The following NPR3 variants were observed in gnomAD, a reference collection of about 807,000 sequenced individuals.
NPR3 encodes the protein natriuretic peptide receptor 3, also known as atrial natriuretic peptide receptor 3.
NPR3 carries 34 observed loss-of-function variants against 54.5 expected under a neutral mutation model. That is an observed-to-expected ratio of 0.62 (90% confidence interval 0.47 to 0.83). The LOEUF is 0.83. NPR3 is among the 40% of genes least tolerant of loss of function. The probability of loss-of-function intolerance (pLI) is 0.00; values close to 1 mark genes in which losing one functional copy is unlikely to be tolerated. For synonymous variants in NPR3, 289 were observed against 297.1 expected, an observed-to-expected ratio of 0.97 and a Z score of 0.28; for missense variants, 674 against 720.8, an observed-to-expected ratio of 0.94 and a Z score of 0.74.
At chr5:32,782,868 C>T (rs1490216987) in intron 5 of NPR3, 25 bp from the exon 6 acceptor site, 20 of 1,579,724 alleles carry the variant, frequency 1.3e-5, no homozygotes, top group Non-Finnish European at 1.7e-5. Context: ...TTTGGTTTGT[C>T]TATTTGTTTT....
intron 1 of NPR3, among the ~76,000 whole-genome samples, chr5:32,702,408 C>T (rs192258366): frequency 6.6e-5 from 7 of 105,358 alleles, no homozygotes; most frequent in South Asian, 4.4e-4. Context: ...ATCCCTCCCC[C>T]CTCCCCCCAC....
At position 32,774,714 on chromosome 5, in the gene NPR3, A is replaced by G. The variant is rs1156397244; in HGVS notation, c.1066A>G (p.Met356Val). ...QGLNMEDYVN[M>V]FVEGFHDAIL... ...TCTGGGGTTTTCTTTTCAGGTTAAC[A>G]TGTTTGTTGAAGGATTCCACGATGC... Residue 356 changes from methionine to valine, a missense_variant, in exon 4 of 8, where the codon ATG (methionine) becomes GTG (valine). Physicochemically the swap from Met to Val is conservative, Grantham distance 21 (BLOSUM62 1). Coordinates refer to ENST00000265074, the MANE Select transcript of NPR3 (RefSeq NM_001204375.2). 1 of 1,611,988 alleles carries G rather than the reference A, an allele frequency of 6.2e-7. No homozygotes were observed. Among genetic ancestry groups the G allele is most frequent in the Non-Finnish European group, 8.5e-7 (1 of 1,178,130 alleles).
chr5:32,786,855 G>T lies in NPR3; in HGVS notation c.*510G>T, dbSNP rs1742665903. ...GCTGGAGGACAGGTTTGTGGTTGAG[G>T]ACTTCTCTGTCCGATGTCTACATTC... On this transcript the variant is annotated 3_prime_UTR_variant, in exon 8 of 8. Transcript: ENST00000265074. 6.4e-6 allele frequency: 1 copy of T among 156,158 alleles called. No individual in the cohort carries two copies. Among genetic ancestry groups the T allele is most frequent in the Admixed American group, 6.5e-5 (1 of 15,290 alleles). 9.7% of individuals were successfully genotyped at this position (156,158 alleles called of 1,614,324 possible). A position where few individuals can be genotyped will look rare whatever the true frequency, so the allele number is the denominator to read the frequency against.
intron 6 of NPR3, 54 bp from the exon 7 acceptor site, chr5:32,784,742 C>A: frequency 7.3e-7 from 1 of 1,366,702 alleles, no homozygotes; most frequent in Non-Finnish European, 1.0e-6. Context: ...AAACTCGAGG[C>A]ATTTCTAACT....
intron 2 of NPR3, among the ~76,000 whole-genome samples, chr5:32,730,636 A>C (rs1434403582): frequency 6.6e-6 from 1 of 152,230 alleles, no homozygotes; most frequent in Non-Finnish European, 1.5e-5. Flanking sequence ...CCCACCATAC[A>C]GGTTCAACAT....
chr5:32,744,388 C>G (rs768763112), intron 3 of NPR3, among the ~76,000 whole-genome samples: 1 of 152,098 alleles, frequency 6.6e-6, no homozygotes, highest in Non-Finnish European at 1.5e-5. Flanking sequence ...CTGGCTGCCT[C>G]TTACAATTCT....
chr5:32,760,698 GT>G (rs992811510), intron 3 of NPR3, among the ~76,000 whole-genome samples: 16 of 150,460 alleles, frequency 1.1e-4, no homozygotes, highest in African/African-American at 3.9e-4. Flanking sequence ...GATGTAGTCA[GT>G]TTTTTTAATG....
At chr5:32,723,803 A>G (rs1364765858) in intron 1 of NPR3, among the ~76,000 whole-genome samples, 3 of 152,096 alleles carry the variant, frequency 2.0e-5, no homozygotes, top group Non-Finnish European at 4.4e-5. Context: ...ATTTTGCCAC[A>G]TTTGATTTAT....
At chr5:32,782,457 G>A (rs1742386520) in intron 5 of NPR3, among the ~76,000 whole-genome samples, 1 of 152,148 alleles carries the variant, frequency 6.6e-6, no homozygotes, top group African/African-American at 2.4e-5. Context: ...CAAAGCAAAA[G>A]CCGGGAATTC....
At chr5:32,777,961 G>A (rs1742148769) in intron 4 of NPR3, among the ~76,000 whole-genome samples, 1 of 152,138 alleles carries the variant, frequency 6.6e-6, no homozygotes, top group South Asian at 2.1e-4. Context: ...CCCATTCTTA[G>A]CTATTACTCA....
intron 1 of NPR3, among the ~76,000 whole-genome samples, chr5:32,695,076 A>G (rs75502266): frequency 0.018 from 2,798 of 152,270 alleles, 93 homozygotes; most frequent in African/African-American, 0.064. Context: ...CACTGTGCAT[A>G]TTAACTACAT....
At chr5:32,704,840 A>G (rs913678077), upstream of NPR3, among the ~76,000 whole-genome samples, 3 of 152,216 alleles carry the variant, frequency 2.0e-5, no homozygotes, top group Non-Finnish European at 4.4e-5. Flanking sequence ...ATTTGATTTT[A>G]TGTATTTGTG....
chr5:32,701,218 A>G lies in NPR3; in HGVS notation c.100+12032A>G, dbSNP rs75179531. 4.5e-3 allele frequency among the ~76,000 whole-genome samples: 681 copies of G among 151,760 alleles called. 11 individuals are homozygous for G. The highest frequency in any genetic ancestry group is 0.016 in the African/African-American group (658 of 41,338). On this transcript the variant is annotated intron_variant, in intron 1 of 5. Coordinates refer to the NPR3 transcript ENST00000509104. Reference sequence around the variant, plus strand: ...ATTATTTTTTCTTTTGTTTCCTCTGACTATGTATTTTCAAATATCCTGTCC... The same window carrying G: ...ATTATTTTTTCTTTTGTTTCCTCTGGCTATGTATTTTCAAATATCCTGTCC...
At chr5:32,761,174 C>T (rs1484434440) in intron 3 of NPR3, among the ~76,000 whole-genome samples, 1 of 151,632 alleles carries the variant, frequency 6.6e-6, no homozygotes, top group Non-Finnish European at 1.5e-5. Context: ...TATAAATCAA[C>T]TTGTCAATTT....
rs1377747274 is a variant in NPR3 at position 32,711,853 on chromosome 5, G to A, written c.77G>A (p.Gly26Asp). The A allele has an allele frequency of 2.1e-6, 3 of 1,463,310 alleles. No homozygotes were observed. Among genetic ancestry groups the A allele is most frequent in the Non-Finnish European group, 2.7e-6 (3 of 1,109,802 alleles). The allele number at this position is 1,463,310 out of a possible 1,614,324, so 90.6% of individuals were successfully genotyped here. The change falls in exon 1 of 8, where the codon GGC becomes GAC. Residue 26 changes from glycine (G) to aspartate (D), a missense_variant. Physicochemically the swap from Gly to Asp is moderately conservative, Grantham distance 94 (BLOSUM62 -1). Transcript: ENST00000265074. ...GWALLAGGTG[G>D]GGVGGGGGGA... ...GCGTTGCTGGCCGGCGGCACCGGTG[G>A]CGGTGGCGTTGGCGGCGGCGGCGGT...
At chr5:32,714,815 T>TAATGTATTA (rs1256566119) in intron 1 of NPR3, among the ~76,000 whole-genome samples, 2 of 152,152 alleles carry the variant, frequency 1.3e-5, no homozygotes, top group Admixed American at 1.3e-4. Flanking sequence ...CGTAAGCACT[T>TAATGTATTA]AATGTATTAA....
intron 5 of NPR3, among the ~76,000 whole-genome samples, chr5:32,782,534 G>T (rs1221651799): frequency 6.6e-6 from 1 of 152,178 alleles, no homozygotes; most frequent in Non-Finnish European, 1.5e-5. Flanking sequence ...TGACAGGGCT[G>T]GGCCTTCAGT....
intron 7 of NPR3, among the ~76,000 whole-genome samples, chr5:32,785,561 A>C (rs1742573042): frequency 6.6e-6 from 1 of 152,178 alleles, no homozygotes. Flanking sequence ...GGCTTTCTCC[A>C]ATTCAGAAAT....
intron 3 of NPR3, among the ~76,000 whole-genome samples, chr5:32,766,183 T>A (rs1269221793): frequency 6.6e-6 from 1 of 152,186 alleles, no homozygotes; most frequent in African/African-American, 2.4e-5. Flanking sequence ...AGGAGTAACC[T>A]GAGAATATCC....
Sources: allele counts gnomAD v4.1 joint callset (sites outside exome capture counted in the v4.1 genomes callset), GRCh38; gene constraint gnomAD v4.1.1; transcripts MANE v1.5; gene names NCBI Gene and HGNC (gene_info 2026-07-23, HGNC 2026-07-21).